The following LHFPL6 variants were observed in gnomAD, a reference collection of about 807,000 sequenced individuals.
LHFPL6 encodes the protein LHFPL tetraspan subfamily member 6, also known as LHFPL tetraspan subfamily member 6 protein.
Under a neutral mutation model 20.6 loss-of-function variants are expected in LHFPL6, and 9 were observed. That is an observed-to-expected ratio of 0.44 (90% CI 0.26 to 0.76). The LOEUF (loss-of-function observed/expected upper bound fraction) is 0.76. LHFPL6 is among the 30% of genes least tolerant of loss of function. The pLI, the probability that LHFPL6 is intolerant of heterozygous loss-of-function variation, is 0.20. For synonymous variants in LHFPL6, 105 were observed against 98.7 expected, an observed-to-expected ratio of 1.06 and a Z score of -0.38; for missense variants, 218 against 253.5, an observed-to-expected ratio of 0.86 and a Z score of 0.95.
At chr13:39,405,673 T>C (rs1021692656) in intron 2 of LHFPL6, among the ~76,000 whole-genome samples, 1 of 152,176 alleles carries the variant, frequency 6.6e-6, no homozygotes, top group African/African-American at 2.4e-5. Context: ...TTCAAAAAGC[T>C]GTCATACAAA....
chr13:39,437,095 G>A (rs1871977860), intron 2 of LHFPL6, among the ~76,000 whole-genome samples: 1 of 152,194 alleles, frequency 6.6e-6, no homozygotes, highest in African/African-American at 2.4e-5. Context: ...CTCAAAACAT[G>A]TAAGCTGCTG....
intron 2 of LHFPL6, among the ~76,000 whole-genome samples, chr13:39,451,546 G>T (rs148048973): frequency 1.8e-3 from 277 of 152,278 alleles, no homozygotes; most frequent in African/African-American, 6.5e-3. Context: ...ACTATTGTTG[G>T]CTATTAAATG....
chr13:39,589,382 T>C (rs1298994945), intron 2 of LHFPL6, among the ~76,000 whole-genome samples: 1 of 152,062 alleles, frequency 6.6e-6, no homozygotes. Context: ...TGGGATTAAT[T>C]ACAGATGTGA....
chr13:39,363,372 G>A (rs1869928560), intron 3 of LHFPL6, among the ~76,000 whole-genome samples: 1 of 152,152 alleles, frequency 6.6e-6, no homozygotes, highest in Non-Finnish European at 1.5e-5. Flanking sequence ...AGACTTTAGA[G>A]ACAGAGGGAC....
At chr13:39,392,950 ACTT>A (rs973456199) in intron 2 of LHFPL6, among the ~76,000 whole-genome samples, 12 of 152,214 alleles carry the variant, frequency 7.9e-5, no homozygotes, top group African/African-American at 2.9e-4. Context: ...GAACACGCAA[ACTT>A]CTTTTCCTTG....
At chr13:39,466,302 G>A (rs1031551380) in intron 2 of LHFPL6, among the ~76,000 whole-genome samples, 5 of 152,170 alleles carry the variant, frequency 3.3e-5, no homozygotes, top group African/African-American at 1.2e-4. Flanking sequence ...GGCACAATGA[G>A]CCAAGAGGGG....
chr13:39,407,895 TA>T (rs1465868070), intron 2 of LHFPL6, among the ~76,000 whole-genome samples: 6 of 152,204 alleles, frequency 3.9e-5, no homozygotes, highest in African/African-American at 1.2e-4. Flanking sequence ...AGTAGTGGAT[TA>T]TCTTGGAAAG....
At chr13:39,353,410 T>C (rs1869644093) in intron 3 of LHFPL6, among the ~76,000 whole-genome samples, 1 of 151,838 alleles carries the variant, frequency 6.6e-6, no homozygotes, top group African/African-American at 2.4e-5. Flanking sequence ...AGAAGAATGT[T>C]TGTGGGGTGT....
intron 2 of LHFPL6, among the ~76,000 whole-genome samples, chr13:39,511,871 TC>T (rs1035852586): frequency 4.6e-5 from 7 of 152,186 alleles, no homozygotes; most frequent in Admixed American, 1.3e-4. Flanking sequence ...TTGATAATAA[TC>T]CTCACATAGG....
chr13:39,409,925 C>A (rs1004543281), intron 2 of LHFPL6, among the ~76,000 whole-genome samples: 1 of 152,228 alleles, frequency 6.6e-6, no homozygotes, highest in Admixed American at 6.5e-5. Flanking sequence ...GGCAAGATCT[C>A]TAAGCCAACT....
chr13:39,359,209 AG>A (rs1406458294), intron 3 of LHFPL6, among the ~76,000 whole-genome samples: 3 of 152,124 alleles, frequency 2.0e-5, no homozygotes, highest in Admixed American at 6.6e-5. Context: ...TGTGAAGAAA[AG>A]GGAAATTATA....
intron 2 of LHFPL6, among the ~76,000 whole-genome samples, chr13:39,569,172 T>C (rs71423200): frequency 0.36 from 50,591 of 140,798 alleles, 9,795 homozygotes; most frequent in South Asian, 0.45. Flanking sequence ...GATGGATGGA[T>C]GGATGGATGG....
intron 2 of LHFPL6, among the ~76,000 whole-genome samples, chr13:39,555,324 C>CTTTTTT (rs74344851): frequency 7.4e-6 from 1 of 135,136 alleles, no homozygotes. Context: ...TCTCCCCGCC[C>CTTTTTT]TTTTTTTTTT....
At chr13:39,501,524 A>C (rs150978103) in intron 2 of LHFPL6, among the ~76,000 whole-genome samples, 1 of 152,162 alleles carries the variant, frequency 6.6e-6, no homozygotes, top group Admixed American at 6.5e-5. Flanking sequence ...CCCCCCTAAC[A>C]ATTATTTACA....
chr13:39,470,371 CA>C (rs1402901259), intron 2 of LHFPL6, among the ~76,000 whole-genome samples: 1 of 151,996 alleles, frequency 6.6e-6, no homozygotes, highest in Non-Finnish European at 1.5e-5. Context: ...ATTCTTGGTT[CA>C]TTTTTTTTCA....
chr13:39,418,857 C>T (rs1296733567), intron 2 of LHFPL6, among the ~76,000 whole-genome samples: 1 of 152,042 alleles, frequency 6.6e-6, no homozygotes, highest in Non-Finnish European at 1.5e-5. Context: ...GACTTTACAG[C>T]ATGTAAAGAA....
At chr13:39,589,928 T>C (rs1018903759) in intron 2 of LHFPL6, among the ~76,000 whole-genome samples, 1 of 152,170 alleles carries the variant, frequency 6.6e-6, no homozygotes, top group African/African-American at 2.4e-5. Context: ...TACTATATCA[T>C]ATTACCAATA....
At chr13:39,535,047 C>CG (rs1387284519) in intron 2 of LHFPL6, among the ~76,000 whole-genome samples, 3 of 152,180 alleles carry the variant, frequency 2.0e-5, no homozygotes, top group Non-Finnish European at 2.9e-5. Context: ...CTCACACCCC[C>CG]GGGCCTTTCT....
chr13:39,464,407 A>T (rs1048545365), intron 2 of LHFPL6, among the ~76,000 whole-genome samples: 1 of 152,220 alleles, frequency 6.6e-6, no homozygotes, highest in Non-Finnish European at 1.5e-5. Context: ...CTAAACAGAG[A>T]AGGAAATCAA....
Sources: gnomAD v4.1 joint callset for allele counts (sites outside exome capture counted in the v4.1 genomes callset) on GRCh38, gnomAD v4.1.1 for gene constraint, MANE v1.5 for transcripts, NCBI Gene and HGNC (gene_info 2026-07-23, HGNC 2026-07-21) for gene names.